Variants in MACROD2 observed in about 807,000 individuals in gnomAD.
MACROD2 encodes ADP-ribose glycohydrolase MACROD2.
A neutral mutation model predicts 70.4 loss-of-function variants in MACROD2; 36 were observed. The ratio of observed to expected loss-of-function variants is 0.51; its 90% CI spans 0.39 to 0.68. The LOEUF is 0.68. MACROD2 is among the 30% of genes least tolerant of loss of function. The pLI, the probability that MACROD2 is intolerant of heterozygous loss-of-function variation, is 0.00. For missense variants in MACROD2, 496 were observed against 538.4 expected (o/e 0.92, Z 0.78); for synonymous variants, 172 against 178.8 (o/e 0.96, Z 0.30).
intron 17 of MACROD2, among the ~76,000 whole-genome samples, chr20:16,049,267 G>C (rs2147629337): frequency 1.3e-5 from 2 of 152,114 alleles, no homozygotes; most frequent in African/African-American, 4.8e-5. Flanking sequence ...CTTAAGATCT[G>C]TGTGTTTTCC....
intron 8 of MACROD2, among the ~76,000 whole-genome samples, chr20:15,648,886 T>C (rs1390899256): frequency 1.3e-5 from 2 of 152,240 alleles, no homozygotes; most frequent in Non-Finnish European, 2.9e-5. Context: ...CTGTTAAAAC[T>C]CTTTACTTAG....
At chr20:14,039,961 TCTTTA>T (rs1407639081) in intron 2 of MACROD2, among the ~76,000 whole-genome samples, 1 of 152,170 alleles carries the variant, frequency 6.6e-6, no homozygotes, top group Non-Finnish European at 1.5e-5. Flanking sequence ...ATAAATGTCT[TCTTTA>T]GAGTATCCAG....
intron 8 of MACROD2, among the ~76,000 whole-genome samples, chr20:15,668,543 G>A (rs2146831575): frequency 6.6e-6 from 1 of 151,204 alleles, no homozygotes; most frequent in South Asian, 2.1e-4. Flanking sequence ...ACTCCAGCCT[G>A]GGCGACAGAG....
intron 10 of MACROD2, among the ~76,000 whole-genome samples, chr20:15,908,144 T>C (rs2065176455): frequency 6.6e-6 from 1 of 152,240 alleles, no homozygotes; most frequent in Non-Finnish European, 1.5e-5. Flanking sequence ...TTTTCCTTTT[T>C]GCCCTGCCAA....
intron 4 of MACROD2, among the ~76,000 whole-genome samples, chr20:14,557,848 A>G (rs145143146): frequency 2.0e-5 from 3 of 151,992 alleles, no homozygotes; most frequent in East Asian, 1.9e-4. Context: ...TAGAATTACT[A>G]TATTAGCTGG....
rs114349638 is a variant in MACROD2 at position 15,839,426 on chromosome 20, G to A, written c.646-23319G>A. On this transcript the variant is annotated intron_variant, in intron 8 of 17. Transcript: ENST00000684519. ...TTCTGTCGGCTTACTGAAAGGTGACGGAAGTGAGGCTAAGTTAGTTCCAAG... is the reference window on the plus strand; with the variant it reads ...TTCTGTCGGCTTACTGAAAGGTGACAGAAGTGAGGCTAAGTTAGTTCCAAG... Among the ~76,000 whole-genome samples the A allele has an allele frequency of 1.7e-3, 262 of 152,226 alleles. 2 individuals are homozygous for A. The highest frequency in any genetic ancestry group is 5.9e-3 in the African/African-American group (245 of 41,542).
rs80033635 is a variant in MACROD2, at chr20:14,070,409, G to T, written c.164-15212G>T. 7.6e-3 allele frequency among the ~76,000 whole-genome samples: 1,152 copies of T among 152,166 alleles called. 16 individuals are homozygous for T. Among genetic ancestry groups the T allele is most frequent in the African/African-American group, 0.026 (1,059 of 41,506 alleles). ...GATTGACTGGCTGGTTTCAAGAAAT[G>T]ATCTCAGAAACAGCTTGACCCCTGG... is the stretch of plus-strand genomic sequence containing the variant. On this transcript the variant is annotated intron_variant, in intron 2 of 17. Transcript: ENST00000684519.
intron 7 of MACROD2, among the ~76,000 whole-genome samples, chr20:15,490,775 G>A (rs1287276413): frequency 6.6e-6 from 1 of 152,178 alleles, no homozygotes; most frequent in Non-Finnish European, 1.5e-5. Context: ...GGGTTGAAAG[G>A]AAGCAGTGTA....
At chr20:14,876,105 T>G (rs2073547566) in intron 5 of MACROD2, among the ~76,000 whole-genome samples, 2 of 152,200 alleles carry the variant, frequency 1.3e-5, no homozygotes, top group African/African-American at 4.8e-5. Context: ...GTATAAGCAT[T>G]CTCTTTTCTC....
chr20:14,215,625 C>A (rs1569210074), intron 3 of MACROD2, among the ~76,000 whole-genome samples: 1 of 152,106 alleles, frequency 6.6e-6, no homozygotes. Context: ...TATTTTCCCA[C>A]CAGCAGTGTA....
chr20:15,784,933 G>T (rs1408711042), intron 8 of MACROD2, among the ~76,000 whole-genome samples: 1 of 152,036 alleles, frequency 6.6e-6, no homozygotes, highest in Admixed American at 6.5e-5. Flanking sequence ...CAGATCACCA[G>T]GTCAGGAGAT....
intron 5 of MACROD2, among the ~76,000 whole-genome samples, chr20:15,225,809 A>G (rs2076901257): frequency 6.6e-6 from 1 of 152,160 alleles, no homozygotes; most frequent in African/African-American, 2.4e-5. Context: ...ATCTTGCCTT[A>G]TTATATACAA....
chr20:15,522,091 A>G (rs1380168517), intron 8 of MACROD2, among the ~76,000 whole-genome samples: 1 of 152,170 alleles, frequency 6.6e-6, no homozygotes, highest in Non-Finnish European at 1.5e-5. Flanking sequence ...TGGTGATAAT[A>G]TTCATATGCA....
intron 3 of MACROD2, among the ~76,000 whole-genome samples, chr20:14,164,658 G>A (rs1389337012): frequency 1.3e-5 from 2 of 152,012 alleles, no homozygotes; most frequent in South Asian, 2.1e-4. Context: ...GGTGGTAGCA[G>A]CAGGTTGGGT....
At chr20:14,314,840 A>T (rs2082599412) in intron 3 of MACROD2, among the ~76,000 whole-genome samples, 1 of 152,126 alleles carries the variant, frequency 6.6e-6, no homozygotes, top group South Asian at 2.1e-4. Context: ...CCGTGAGTTA[A>T]GTCCTCTACT....
chr20:15,811,933 T>C (rs1044324994), intron 8 of MACROD2, among the ~76,000 whole-genome samples: 1 of 152,076 alleles, frequency 6.6e-6, no homozygotes, highest in East Asian at 1.9e-4. Context: ...CTACTAAAAG[T>C]TGAGTCAAGC....
At chr20:14,909,407 C>T (rs115757728) in intron 5 of MACROD2, among the ~76,000 whole-genome samples, 1,682 of 152,094 alleles carry the variant, frequency 0.011, 27 homozygotes, top group African/African-American at 0.038. Context: ...ATAGGCCTAT[C>T]GTTTATTGCA....
rs112574985 is a variant in MACROD2, at chr20:14,335,074, A to G, written c.272-158405A>G. On this transcript the variant is annotated intron_variant, in intron 3 of 17. Transcript: ENST00000684519. ...TTAATATATTATTAAGACAAGGCCA[A>G]TTCCCTGCACTGATTTTTGTAGGGC... is the stretch of plus-strand genomic sequence containing the variant. 2.4e-3 allele frequency among the ~76,000 whole-genome samples: 365 copies of G among 152,330 alleles called. 1 individual carries two copies. The highest frequency in any genetic ancestry group is 8.4e-3 in the African/African-American group (348 of 41,578).
chr20:14,310,208 T>C (rs1419604288), intron 3 of MACROD2, among the ~76,000 whole-genome samples: 1 of 152,224 alleles, frequency 6.6e-6, no homozygotes, highest in Admixed American at 6.5e-5. Context: ...CTAAAATTGT[T>C]AGCATTTTTA....
Sources: allele counts gnomAD v4.1 joint callset (sites outside exome capture counted in the v4.1 genomes callset), GRCh38; gene constraint gnomAD v4.1.1; transcripts MANE v1.5; gene names NCBI Gene and HGNC (gene_info 2026-07-23, HGNC 2026-07-21).